IGF1R: variants seen among roughly 807,000 people sequenced by gnomAD.
The protein encoded by IGF1R is insulin-like growth factor 1 receptor.
A neutral mutation model predicts 144.6 loss-of-function variants in IGF1R; 44 were observed. The ratio of observed to expected loss-of-function variants is 0.30; its 90% CI spans 0.24 to 0.39. IGF1R has a LOEUF of 0.39. Among genes scored for constraint, IGF1R ranks in the 10% least tolerant of loss-of-function variants. The pLI is 1.00. For synonymous variants in IGF1R, 795 were observed against 722.8 expected (o/e 1.10, Z -1.60); for missense variants, 1,355 against 1,833.7 (o/e 0.74, Z 4.77).
At position 98,913,195 on chromosome 15, in the gene IGF1R, G is replaced by C. The variant is rs774280289; in HGVS notation, c.1741G>C (p.Val581Leu). Reference protein sequence around the residue: ...LKPWTQYAVYVKAVTLTMVEN... With the variant: ...LKPWTQYAVYLKAVTLTMVEN... The stretch of plus-strand genomic sequence containing the variant: ...GCCCTGGACTCAGTACGCCGTTTAC[G>C]TCAAGGCTGTGACCCTCACCATGGT... Residue 581 changes from valine (V) to leucine (L), a missense_variant, in exon 8 of 21, where the codon GTC becomes CTC. This residue lies in a region of IGF1R where 880 missense variants were observed against 1,202.7 expected (regional missense o/e 0.73). Coordinates refer to ENST00000650285, the MANE Select transcript of IGF1R (RefSeq NM_000875.5). The C allele has an allele frequency of 1.2e-6, 2 of 1,614,188 alleles. No homozygotes were observed. The highest frequency in any genetic ancestry group is 2.2e-5 in the South Asian group (2 of 91,090).
intron 2 of IGF1R, among the ~76,000 whole-genome samples, chr15:98,816,448 A>G (rs2141468974): frequency 6.6e-6 from 1 of 152,316 alleles, no homozygotes; most frequent in African/African-American, 2.4e-5. Flanking sequence ...GAAAAAACAA[A>G]TGTCAACCCT....
chr15:98,670,812 T>TC (rs2052869468), intron 1 of IGF1R, among the ~76,000 whole-genome samples: 1 of 152,242 alleles, frequency 6.6e-6, no homozygotes, highest in African/African-American at 2.4e-5. Flanking sequence ...CTATTTTTTT[T>TC]CTTTGCTTTT....
chr15:98,877,789 C>T (rs1333463213), intron 2 of IGF1R, among the ~76,000 whole-genome samples: 1 of 152,136 alleles, frequency 6.6e-6, no homozygotes, highest in East Asian at 1.9e-4. Flanking sequence ...CTAGGTACCT[C>T]GTACATTTAT....
intron 7 of IGF1R, among the ~76,000 whole-genome samples, chr15:98,912,459 A>T (rs1452903893): frequency 2.0e-5 from 3 of 152,176 alleles, no homozygotes; most frequent in Non-Finnish European, 4.4e-5. Flanking sequence ...CTACCCAACC[A>T]TGCATCTGTG....
chr15:98,961,567 T>C lies in IGF1R; in HGVS notation c.*4125T>C, dbSNP rs775238125. 3 of 233,652 alleles carry C rather than the reference T, an allele frequency of 1.3e-5. No individual in the cohort carries two copies. Among genetic ancestry groups the C allele is most frequent in the African/African-American group, 2.2e-5 (1 of 45,360 alleles). The allele number at this position is 233,652 out of a possible 1,614,324, so 14.5% of individuals were successfully genotyped here. On this transcript the variant is annotated 3_prime_UTR_variant, in exon 21 of 21. Transcript: ENST00000650285. ...CTGTGTGTTCCAAATAATCTTAAGC[T>C]GAGTTGTGGCATTTTCCATGCAACC...
At chr15:98,947,367 A>T (rs12592205) in intron 19 of IGF1R, among the ~76,000 whole-genome samples, 25,003 of 152,222 alleles carry the variant, frequency 0.16, 2,231 homozygotes, top group East Asian at 0.33. Flanking sequence ...GCACAAGGTC[A>T]AGGTCCCAAG....
chr15:98,759,007 A>G (rs1249430011), intron 2 of IGF1R, among the ~76,000 whole-genome samples: 1 of 152,254 alleles, frequency 6.6e-6, no homozygotes, highest in Non-Finnish European at 1.5e-5. Flanking sequence ...GGATACTTAT[A>G]TAAAGGAAGC....
rs184460491 is a variant in IGF1R, at chr15:98,695,032, G to A, written c.95-12530G>A. ...GGAAAATGTTGTATGTGCAGGAGGA[G>A]TTCATGTAGTTGGGTTAGATTGTGT... On this transcript the variant is annotated intron_variant, in intron 1 of 20. Coordinates refer to ENST00000650285, the MANE Select transcript of IGF1R (RefSeq NM_000875.5). 4.6e-4 allele frequency among the ~76,000 whole-genome samples: 70 copies of A among 152,312 alleles called. No individual in the cohort carries two copies. The East Asian group carries it at 8.9e-3, about 19-fold the overall frequency.
At position 98,964,283 on chromosome 15, in the gene IGF1R, AATT is replaced by A. The variant is rs1422705347; in HGVS notation, c.*6845_*6847del. 6 of 232,470 alleles carry A rather than the reference AATT, an allele frequency of 2.6e-5. No individual in the cohort carries two copies. The highest frequency in any genetic ancestry group is 5.1e-5 in the Non-Finnish European group (6 of 117,466). 14.4% of individuals were successfully genotyped at this position (232,470 alleles called of 1,614,324 possible). On this transcript the variant is annotated 3_prime_UTR_variant, in exon 21 of 21. Transcript: ENST00000650285. ...TACATAAAATGACTTTCTGTGTATA[AATT>A]ATTCCTAAAAAATCCTGTTTATATA...
chr15:98,685,510 C>G (rs1376492381), intron 1 of IGF1R, among the ~76,000 whole-genome samples: 1 of 152,204 alleles, frequency 6.6e-6, no homozygotes, highest in African/African-American at 2.4e-5. Flanking sequence ...CTCCAGCCCA[C>G]TCTACTCTCT....
intron 2 of IGF1R, among the ~76,000 whole-genome samples, chr15:98,709,483 G>C (rs1199769146): frequency 6.6e-6 from 1 of 152,202 alleles, no homozygotes; most frequent in African/African-American, 2.4e-5. Context: ...GGAGTTGGAG[G>C]GAGATCTTAT....
chr15:98,920,866 C>T (rs1310016524), intron 10 of IGF1R, among the ~76,000 whole-genome samples: 7 of 152,156 alleles, frequency 4.6e-5, no homozygotes, highest in Non-Finnish European at 1.0e-4. Context: ...CCTCAGAGGC[C>T]CTTTCCCAAA....
intron 2 of IGF1R, among the ~76,000 whole-genome samples, chr15:98,769,886 A>C (rs2055540051): frequency 6.6e-6 from 1 of 151,962 alleles, no homozygotes; most frequent in Admixed American, 6.6e-5. Flanking sequence ...TTCCAGGCAA[A>C]ATTTCTTTAA....
At chr15:98,822,359 G>C (rs1171633166) in intron 2 of IGF1R, among the ~76,000 whole-genome samples, 1 of 152,172 alleles carries the variant, frequency 6.6e-6, no homozygotes, top group Non-Finnish European at 1.5e-5. Flanking sequence ...TGGAGTAATA[G>C]GCATTTTTAG....
rs74032544 is a variant in IGF1R at position 98,715,439 on chromosome 15, C to T, written c.640+7332C>T. Among the ~76,000 whole-genome samples, 707 of 152,316 alleles carry T rather than the reference C, an allele frequency of 4.6e-3. 5 individuals are homozygous for T. Among genetic ancestry groups the T allele is most frequent in the African/African-American group, 0.016 (671 of 41,552 alleles). ...TGCATGCCAAGTATTTGGAAAATAT[C>T]TGGAGCCCCTTCAGCTCTCACCAGT... is the stretch of plus-strand genomic sequence containing the variant. On this transcript the variant is annotated intron_variant, in intron 2 of 20. Coordinates refer to ENST00000650285, the MANE Select transcript of IGF1R (RefSeq NM_000875.5).
At chr15:98,869,681 C>T (rs974207109) in intron 2 of IGF1R, among the ~76,000 whole-genome samples, 3 of 152,094 alleles carry the variant, frequency 2.0e-5, no homozygotes, top group South Asian at 2.1e-4. Flanking sequence ...GTGATCCACG[C>T]GCCTCACCCT....
In IGF1R at chr15:98,944,232, A is replaced by G. The variant is rs542845302; in HGVS notation, c.3587+1180A>G. On this transcript the variant is annotated intron_variant, in intron 19 of 20. Transcript: ENST00000650285. ...CAGCCGGGGAGAACAGAAGCAGAAT[A>G]GAAGGATAAAGTGTTGTTCATATCT... Among the ~76,000 whole-genome samples the G allele has an allele frequency of 6.2e-4, 95 of 152,366 alleles. 2 individuals carry two copies. The South Asian group carries it at 0.018, about 29-fold the overall frequency.
At chr15:98,819,006 C>A (rs1259043610) in intron 2 of IGF1R, among the ~76,000 whole-genome samples, 1 of 152,056 alleles carries the variant, frequency 6.6e-6, no homozygotes, top group Non-Finnish European at 1.5e-5. Flanking sequence ...CATTCCTGAG[C>A]TGCAAAGGAG....
chr15:98,705,343 G>T (rs749856436), intron 1 of IGF1R, among the ~76,000 whole-genome samples: 1 of 152,178 alleles, frequency 6.6e-6, no homozygotes, highest in Non-Finnish European at 1.5e-5. Context: ...GTCGGAGTGG[G>T]TTAAAGGTAA....
Sources: allele counts gnomAD v4.1 joint callset (sites outside exome capture counted in the v4.1 genomes callset), GRCh38; gene constraint gnomAD v4.1.1; regional missense constraint gnomAD v4.1.1; transcripts MANE v1.5; gene names NCBI Gene and HGNC (gene_info 2026-07-23, HGNC 2026-07-21).